SLC9A4: variants seen among roughly 807,000 people sequenced by gnomAD.
SLC9A4 encodes solute carrier family 9 member A4, also known as sodium/hydrogen exchanger 4.
A neutral mutation model predicts 67.4 loss-of-function variants in SLC9A4; 63 were observed. The observed-to-expected ratio is 0.93, with a 90% confidence interval of 0.76 to 1.15. The LOEUF is 1.15. SLC9A4 is among the 50% of genes most tolerant of loss of function. The pLI is 0.00. For missense variants in SLC9A4, 1,089 were observed against 987.7 expected, an observed-to-expected ratio of 1.10 and a Z score of -1.38; for synonymous variants, 393 against 367.2, an observed-to-expected ratio of 1.07 and a Z score of -0.80.
intron 1 of SLC9A4, among the ~76,000 whole-genome samples, chr2:102,477,710 G>A (rs1010954756): frequency 6.6e-6 from 1 of 152,088 alleles, no homozygotes; most frequent in African/African-American, 2.4e-5. Context: ...CCAAGGAAAA[G>A]GACAATCCAA....
At chr2:102,488,148 C>T (rs1684625734) in intron 2 of SLC9A4, among the ~76,000 whole-genome samples, 1 of 152,112 alleles carries the variant, frequency 6.6e-6, no homozygotes, top group African/African-American at 2.4e-5. Context: ...TGGGGACTTT[C>T]CTAGTCCTGT....
intron 2 of SLC9A4, among the ~76,000 whole-genome samples, chr2:102,494,582 A>G (rs554251470): frequency 2.6e-5 from 4 of 152,264 alleles, no homozygotes; most frequent in African/African-American, 7.2e-5. Context: ...AATATATTCT[A>G]TTTATAAGAA....
intron 3 of SLC9A4, among the ~76,000 whole-genome samples, chr2:102,504,115 C>A (rs867337046): frequency 6.6e-6 from 1 of 152,186 alleles, no homozygotes; most frequent in African/African-American, 2.4e-5. Flanking sequence ...TGCAGTGGCA[C>A]GATCTCGGCT....
intron 6 of SLC9A4, among the ~76,000 whole-genome samples, chr2:102,509,638 C>T (rs1410949935): frequency 6.6e-6 from 1 of 152,214 alleles, no homozygotes; most frequent in African/African-American, 2.4e-5. Flanking sequence ...AAAATATCAT[C>T]TGAATCTTAT....
At chr2:102,500,238 C>G (rs1684896702) in intron 2 of SLC9A4, among the ~76,000 whole-genome samples, 1 of 152,076 alleles carries the variant, frequency 6.6e-6, no homozygotes, top group South Asian at 2.1e-4. Context: ...CACTCACAAA[C>G]CTAGGAACGG....
At chr2:102,513,588 A>G (rs547645393) in intron 7 of SLC9A4, among the ~76,000 whole-genome samples, 3 of 152,280 alleles carry the variant, frequency 2.0e-5, no homozygotes, top group African/African-American at 7.2e-5. Context: ...CTTAATTGGT[A>G]GGATTCAAAA....
intron 9 of SLC9A4, 139 bp from the exon 10 acceptor site, chr2:102,524,884 TA>T: frequency 1.0e-6 from 1 of 986,484 alleles, no homozygotes; most frequent in Non-Finnish European, 1.5e-6. Context: ...TGTTCATTCG[TA>T]ATCAAGGCAA....
chr2:102,501,668 A>T (rs1319483874), intron 2 of SLC9A4, among the ~76,000 whole-genome samples: 3 of 151,968 alleles, frequency 2.0e-5, no homozygotes, highest in African/African-American at 7.3e-5. Context: ...GGCTTCCTGC[A>T]GGCTGCAGAC....
At chr2:102,498,088 G>T (rs1251432336) in intron 2 of SLC9A4, among the ~76,000 whole-genome samples, 1 of 152,134 alleles carries the variant, frequency 6.6e-6, no homozygotes, top group Non-Finnish European at 1.5e-5. Flanking sequence ...GTTCTCCATG[G>T]GGCTGTGGAC....
At chr2:102,514,386 A>G in intron 8 of SLC9A4, 135 bp downstream of exon 8, 1 of 575,328 alleles carries the variant, frequency 1.7e-6, no homozygotes, top group Non-Finnish European at 2.8e-6. Context: ...TAAAATATGT[A>G]ATCTAAGTCT....
At chr2:102,486,807 T>C (rs1314900954) in intron 2 of SLC9A4, among the ~76,000 whole-genome samples, 2 of 152,220 alleles carry the variant, frequency 1.3e-5, no homozygotes, top group Admixed American at 6.5e-5. Flanking sequence ...GATACACAAA[T>C]GTCTTCTTGC....
In SLC9A4 at chr2:102,514,218, T is replaced by A; in HGVS notation, c.1688T>A (p.Ile563Lys). The A allele has an allele frequency of 6.2e-7, 1 of 1,614,054 alleles. No individual in the cohort carries two copies. The highest frequency in any genetic ancestry group is 8.5e-7 in the Non-Finnish European group (1 of 1,179,948). ...GCCATCGAGATGGTGGAGACTGGGA[T>A]ACTGAGCTCTACAGCTTTCTCCATA... ...KQAIEMVETGILSSTAFSIPH... is the reference protein window; with the variant it reads ...KQAIEMVETGKLSSTAFSIPH... Residue 563 changes from isoleucine to lysine, a missense_variant, in exon 8 of 12, where the codon ATA becomes AAA. By Grantham distance (102) the Ile-to-Lys change is moderately radical (BLOSUM62 -3). Coordinates refer to ENST00000295269, the MANE Select transcript of SLC9A4 (RefSeq NM_001011552.4).
chr2:102,524,979 G>A, intron 9 of SLC9A4, 45 bp from the exon 10 acceptor site: 1 of 1,610,074 alleles, frequency 6.2e-7, no homozygotes, highest in South Asian at 1.1e-5. Context: ...GCTGAAAGTT[G>A]TATGGAGGAG....
chr2:102,526,206 G>T, intron 10 of SLC9A4, 53 bp from the exon 11 acceptor site: 1 of 1,570,554 alleles, frequency 6.4e-7, no homozygotes, highest in African/African-American at 1.4e-5. Flanking sequence ...GCCATGTGAA[G>T]CTCTTAATTG....
At chr2:102,524,459 G>A (rs1674615502) in intron 9 of SLC9A4, among the ~76,000 whole-genome samples, 2 of 152,076 alleles carry the variant, frequency 1.3e-5, no homozygotes, top group African/African-American at 4.8e-5. Flanking sequence ...AATTGATTCA[G>A]TTTGAAGGAC....
Position 102,491,407 on chromosome 2 carries a change from C to A in SLC9A4, c.721-12041C>A, listed in dbSNP as rs188990370. 1.6e-3 allele frequency among the ~76,000 whole-genome samples: 202 copies of A among 130,086 alleles called. 2 individuals carry two copies. In the Admixed American group the frequency reaches 0.016, roughly 10 times the overall value. 85.3% of individuals were successfully genotyped at this position (130,086 alleles called of 152,430 possible). A position where few individuals can be genotyped will look rare whatever the true frequency, so the allele number is the denominator to read the frequency against. ...GTAATTTATAAAGAAAAAGAGGTTT[C>A]ATGGACTCAAGCACCACATAGTTGG... On this transcript the variant is annotated intron_variant, in intron 2 of 11. Transcript: ENST00000295269.
chr2:102,530,375 C>T (rs867195519), intron 11 of SLC9A4, among the ~76,000 whole-genome samples: 1 of 152,222 alleles, frequency 6.6e-6, no homozygotes, highest in African/African-American at 2.4e-5. Flanking sequence ...ACTGCACTAC[C>T]TGGGTGCCCA....
chr2:102,507,807 G>T (rs538720612), intron 4 of SLC9A4, among the ~76,000 whole-genome samples: 11 of 152,062 alleles, frequency 7.2e-5, no homozygotes, highest in Non-Finnish European at 1.5e-4. Context: ...ACAAAATCAA[G>T]ATTTTATTAA....
At chr2:102,483,348 T>C (rs912321769) in intron 2 of SLC9A4, among the ~76,000 whole-genome samples, 5 of 152,118 alleles carry the variant, frequency 3.3e-5, no homozygotes, top group African/African-American at 1.2e-4. Flanking sequence ...TGCCGTCCAG[T>C]TGTATTTTGA....
Sources: gnomAD v4.1 joint callset for allele counts (sites outside exome capture counted in the v4.1 genomes callset) on GRCh38, gnomAD v4.1.1 for gene constraint, MANE v1.5 for transcripts, NCBI Gene and HGNC (gene_info 2026-07-23, HGNC 2026-07-21) for gene names.